The following LEMD3 variants were observed in gnomAD, a reference collection of about 807,000 sequenced individuals.
The protein encoded by LEMD3 is LEM domain containing 3.
Under a neutral mutation model 95.2 loss-of-function variants are expected in LEMD3, and 33 were observed. That is an observed-to-expected ratio of 0.35 (90% CI 0.26 to 0.46). The LOEUF (loss-of-function observed/expected upper bound fraction) is 0.46, where lower values mean the gene tolerates loss of function less well. LEMD3 is among the 20% of genes least tolerant of loss of function. LEMD3 has a pLI of 1.00. For synonymous variants in LEMD3, 525 were observed against 474.6 expected, an observed-to-expected ratio of 1.11 and a Z score of -1.38; for missense variants, 1,210 against 1,192.8, an observed-to-expected ratio of 1.01 and a Z score of -0.21.
In LEMD3 at chr12:65,169,817, C is replaced by T; in HGVS notation, c.221C>T (p.Ala74Val). 6.7e-7 allele frequency: 1 copy of T among 1,494,228 alleles called. No homozygotes were observed. The allele number at this position is 1,494,228 out of a possible 1,614,324, so 92.6% of individuals were successfully genotyped here. A position where few individuals can be genotyped will look rare whatever the true frequency, so the allele number is the denominator to read the frequency against. The change falls in exon 1 of 13, where the codon GCC (alanine) becomes GTC (valine). Residue 74 changes from alanine (A) to valine (V), a missense_variant. By Grantham distance (64) the Ala-to-Val change is moderately conservative. Coordinates refer to ENST00000308330, the MANE Select transcript of LEMD3 (RefSeq NM_014319.5). ...AGTAATAACAATAACACGGCAGCCG[C>T]CACGGTCGCAGCCGCGGGACCAGCG... ...RNSNNNNTAA[A>V]TVAAAGPAAA...
At chr12:65,223,793 C>G (rs1430043967) in intron 4 of LEMD3, among the ~76,000 whole-genome samples, 1 of 142,300 alleles carries the variant, frequency 7.0e-6, no homozygotes, top group Non-Finnish European at 1.5e-5. Context: ...CGTGTTGTAG[C>G]TTTTTTGTCC....
intron 1 of LEMD3, among the ~76,000 whole-genome samples, chr12:65,210,313 C>G (rs935100286): frequency 1.3e-5 from 2 of 151,964 alleles, no homozygotes; most frequent in Non-Finnish European, 1.5e-5. Flanking sequence ...TTTAAAAAAT[C>G]ATTAGAAGTC....
intron 1 of LEMD3, among the ~76,000 whole-genome samples, chr12:65,206,018 A>G (rs1192269044): frequency 6.6e-6 from 1 of 152,144 alleles, no homozygotes; most frequent in African/African-American, 2.4e-5. Flanking sequence ...TATGTTGCAA[A>G]AACATGTCCT....
intron 4 of LEMD3, among the ~76,000 whole-genome samples, chr12:65,235,295 GTATATT>G (rs149573246): frequency 1.0e-3 from 157 of 152,120 alleles, no homozygotes; most frequent in African/African-American, 2.6e-3. Context: ...ATTTCTAGTA[GTATATT>G]TATAACAATT....
chr12:65,240,725 C>T (rs1870910602), intron 8 of LEMD3, 184 bp from the exon 9 acceptor site: 2 of 618,918 alleles, frequency 3.2e-6, no homozygotes, highest in African/African-American at 1.8e-5. Context: ...GATGTTTGTG[C>T]TCTAGCTCTG....
chr12:65,244,292 C>CCA (rs1555196172), intron 10 of LEMD3, among the ~76,000 whole-genome samples: 1,726 of 149,554 alleles, frequency 0.012, 57 homozygotes, highest in African/African-American at 0.04. Flanking sequence ...CACACCCCCC[C>CCA]CACACACACA....
At chr12:65,200,977 C>T (rs898135081) in intron 1 of LEMD3, among the ~76,000 whole-genome samples, 3 of 152,026 alleles carry the variant, frequency 2.0e-5, no homozygotes, top group Non-Finnish European at 2.9e-5. Context: ...AGTTTTGGGA[C>T]GGGTATAAAA....
Position 65,240,986 on chromosome 12 carries a change from G to A in LEMD3, c.2204G>A (p.Arg735Gln), listed in dbSNP as rs1217566272. ...GAGTCTAGAGTTCGCACGGAAACAC[G>A]AAGAATAGGTGGTGCAGATTTTCTG... ...ANESRVRTET[R>Q]RIGGADFLVW... The change falls in exon 9 of 13, where the codon CGA (arginine) becomes CAA (glutamine). Residue 735 changes from arginine (R) to glutamine (Q), a missense_variant. Arg to Gln is a conservative substitution (Grantham distance 43, BLOSUM62 1). This residue lies in a region of LEMD3 where 461 missense variants were observed against 569.8 expected (regional missense o/e 0.81). Coordinates refer to ENST00000308330, the MANE Select transcript of LEMD3 (RefSeq NM_014319.5). 1 of 1,613,940 alleles carries A rather than the reference G, an allele frequency of 6.2e-7. No homozygotes were observed. Among genetic ancestry groups the A allele is most frequent in the African/African-American group, 1.3e-5 (1 of 74,932 alleles).
intron 4 of LEMD3, among the ~76,000 whole-genome samples, chr12:65,223,833 CT>C (rs71278238): frequency 0.016 from 2,046 of 125,644 alleles, 45 homozygotes; most frequent in African/African-American, 0.056. Flanking sequence ...TTTTTTGTGT[CT>C]TTTTTTTTTT....
rs1413686907 is a variant in LEMD3, at chr12:65,172,704, A to G, written c.1522+1586A>G. On this transcript the variant is annotated intron_variant, in intron 1 of 12. Coordinates refer to ENST00000308330, the MANE Select transcript of LEMD3 (RefSeq NM_014319.5). ...GCTATCTGCATCTGTGTCTCTAACA[A>G]CTATAAGATCTGGCCTTTTTCTTTT... Among the ~76,000 whole-genome samples, 9 of 151,886 alleles carry G rather than the reference A, an allele frequency of 5.9e-5. No individual in the cohort carries two copies. In the East Asian group the frequency reaches 1.5e-3, roughly 26 times the overall value.
intron 2 of LEMD3, among the ~76,000 whole-genome samples, chr12:65,212,889 A>T (rs190792833): frequency 6.6e-6 from 1 of 152,288 alleles, no homozygotes; most frequent in Non-Finnish European, 1.5e-5. Context: ...GAAGAGTGTA[A>T]TCAAACTGTA....
intron 1 of LEMD3, among the ~76,000 whole-genome samples, chr12:65,177,419 G>GCCA (rs994113153): frequency 6.6e-6 from 1 of 152,326 alleles, no homozygotes; most frequent in Admixed American, 6.5e-5. Flanking sequence ...CATGAGCCTG[G>GCCA]ATGACTGAGA....
chr12:65,211,772 C>T (rs972663382), intron 2 of LEMD3, among the ~76,000 whole-genome samples: 6 of 152,160 alleles, frequency 3.9e-5, no homozygotes, highest in African/African-American at 1.4e-4. Context: ...AAGTATAACA[C>T]TGCTACAGTG....
Position 65,222,599 on chromosome 12 carries a change from A to G in LEMD3, c.1695+3980A>G, listed in dbSNP as rs11175687. ...GGGTTTGTCAATTTTGATCTTTTCA[A>G]AAAATCAACTCTCAGTTTTATTGAT... On this transcript the variant is annotated intron_variant, in intron 4 of 12. Coordinates refer to ENST00000308330, the MANE Select transcript of LEMD3 (RefSeq NM_014319.5). Among the ~76,000 whole-genome samples, 2,322 of 152,192 alleles carry G rather than the reference A, an allele frequency of 0.015. 89 individuals carry two copies. The East Asian group carries it at 0.17, about 11-fold the overall frequency.
intron 4 of LEMD3, among the ~76,000 whole-genome samples, chr12:65,219,302 A>T (rs900999146): frequency 6.6e-6 from 1 of 152,212 alleles, no homozygotes; most frequent in African/African-American, 2.4e-5. Context: ...TTTCTAAACT[A>T]CTGTAAATAA....
At chr12:65,214,576 TG>T (rs1454594088) in intron 2 of LEMD3, among the ~76,000 whole-genome samples, 1 of 152,196 alleles carries the variant, frequency 6.6e-6, no homozygotes, top group African/African-American at 2.4e-5. Flanking sequence ...CCACCCATAG[TG>T]TGCAAACATG....
At chr12:65,226,082 T>C (rs930312258) in intron 4 of LEMD3, among the ~76,000 whole-genome samples, 1 of 152,180 alleles carries the variant, frequency 6.6e-6, no homozygotes, top group Non-Finnish European at 1.5e-5. Context: ...CATGCCGAGC[T>C]GGGGGTAGGG....
chr12:65,227,054 G>T (rs1445658695), intron 4 of LEMD3, among the ~76,000 whole-genome samples: 1 of 152,110 alleles, frequency 6.6e-6, no homozygotes, highest in East Asian at 1.9e-4. Context: ...AATTCAAAAA[G>T]ATCTTGACTA....
intron 2 of LEMD3, among the ~76,000 whole-genome samples, chr12:65,212,723 C>A (rs1869980713): frequency 6.6e-6 from 1 of 152,070 alleles, no homozygotes; most frequent in Non-Finnish European, 1.5e-5. Context: ...ATTCAAATTA[C>A]AAAATTGCCT....
Sources: allele counts gnomAD v4.1 joint callset (sites outside exome capture counted in the v4.1 genomes callset), GRCh38; gene constraint gnomAD v4.1.1; regional missense constraint gnomAD v4.1.1; transcripts MANE v1.5; gene names NCBI Gene and HGNC (gene_info 2026-07-23, HGNC 2026-07-21).